FGD6: variants seen among roughly 807,000 people sequenced by gnomAD.
FGD6 encodes FYVE, RhoGEF and PH domain-containing protein 6.
FGD6 carries 90 observed loss-of-function variants against 149.4 expected under a neutral mutation model. The ratio of observed to expected loss-of-function variants is 0.60; its 90% CI spans 0.51 to 0.72. The LOEUF is 0.72. Among genes scored for constraint, FGD6 ranks in the 30% least tolerant of loss-of-function variants. The pLI is 0.00. For synonymous variants in FGD6, 527 were observed against 584.0 expected, an observed-to-expected ratio of 0.90 and a Z score of 1.41; for missense variants, 1,437 against 1,684.8, an observed-to-expected ratio of 0.85 and a Z score of 2.57.
intron 2 of FGD6, among the ~76,000 whole-genome samples, chr12:95,202,813 T>A (rs1019314651): frequency 6.6e-6 from 1 of 152,238 alleles, no homozygotes; most frequent in Non-Finnish European, 1.5e-5. Context: ...GCCAGAACTG[T>A]GTGGCTACAA....
At chr12:95,096,159 G>A (rs1878224894) in intron 14 of FGD6, among the ~76,000 whole-genome samples, 1 of 151,976 alleles carries the variant, frequency 6.6e-6, no homozygotes, top group Admixed American at 6.6e-5. Context: ...GGTATTATTT[G>A]CCCTAACTTT....
At chr12:95,165,797 C>T (rs1262456464) in intron 3 of FGD6, among the ~76,000 whole-genome samples, 1 of 151,806 alleles carries the variant, frequency 6.6e-6, no homozygotes, top group Non-Finnish European at 1.5e-5. Context: ...ACCACCATAC[C>T]TGGCTAATTT....
intron 3 of FGD6, among the ~76,000 whole-genome samples, chr12:95,163,412 A>G (rs1340114250): frequency 2.6e-5 from 4 of 152,132 alleles, no homozygotes; most frequent in Non-Finnish European, 5.9e-5. Flanking sequence ...AGGACAAGAT[A>G]ATTTTCTTAT....
chr12:95,128,701 C>T (rs7134554), intron 8 of FGD6, among the ~76,000 whole-genome samples: 48,664 of 152,100 alleles, frequency 0.32, 8,222 homozygotes, highest in African/African-American at 0.35. Flanking sequence ...TGGGCATGAC[C>T]TCAAAGAGGA....
chr12:95,155,036 A>G (rs1190757223), intron 3 of FGD6, among the ~76,000 whole-genome samples: 1 of 152,212 alleles, frequency 6.6e-6, no homozygotes, highest in African/African-American at 2.4e-5. Context: ...AGGTAAAAAA[A>G]TAGATGCAGG....
intron 3 of FGD6, among the ~76,000 whole-genome samples, chr12:95,164,317 C>T (rs1469932820): frequency 7.3e-5 from 11 of 151,228 alleles, no homozygotes; most frequent in African/African-American, 2.2e-4. Flanking sequence ...TCTCGGCTCA[C>T]GGCAAGCTCC....
In FGD6 at chr12:95,211,000, C is replaced by T; in HGVS notation, c.284G>A (p.Cys95Tyr). 6.2e-7 allele frequency: 1 copy of T among 1,614,192 alleles called. No individual in the cohort carries two copies. The highest frequency in any genetic ancestry group is 8.5e-7 in the Non-Finnish European group (1 of 1,180,048). Residue 95 changes from cysteine (C) to tyrosine (Y), a missense_variant, in exon 2 of 21, where the codon TGT (cysteine) becomes TAT (tyrosine). Physicochemically the swap from Cys to Tyr is radical, Grantham distance 194 (BLOSUM62 -2). Coordinates refer to ENST00000343958, the MANE Select transcript of FGD6 (RefSeq NM_018351.4). ...ATTGCTCTGATTGCCTTCATATTTA[C>T]AATTAAAGTTGTCAGTGCTTTCAGC... The part of the protein sequence containing the change: ...ELAESTDNFN[C>Y]KYEGNQSNDY...
At chr12:95,154,920 G>A (rs1880423024) in intron 3 of FGD6, among the ~76,000 whole-genome samples, 1 of 141,930 alleles carries the variant, frequency 7.0e-6, no homozygotes, top group Admixed American at 7.6e-5. Context: ...GACTATGTTA[G>A]TTCTTCATTT....
intron 7 of FGD6, 61 bp from the exon 8 acceptor site, chr12:95,134,887 C>A: frequency 7.1e-7 from 1 of 1,409,050 alleles, no homozygotes; most frequent in Admixed American, 2.2e-5. Flanking sequence ...GACCCAGATT[C>A]AAGTGCTCAG....
Position 95,188,338 on chromosome 12 carries a change from G to T in FGD6, c.2442-15594C>A, listed in dbSNP as rs114730810. 6.2e-3 allele frequency among the ~76,000 whole-genome samples: 940 copies of T among 152,202 alleles called. 16 individuals are homozygous for T. Among genetic ancestry groups the T allele is most frequent in the African/African-American group, 0.021 (890 of 41,522 alleles). ...GAAGAAACCAGAAAACAGTAAGTAA[G>T]GCAAGGTAAAGGAGAGAAATAAGCA... On this transcript the variant is annotated intron_variant, in intron 2 of 20. Transcript: ENST00000343958.
intron 3 of FGD6, among the ~76,000 whole-genome samples, chr12:95,167,761 G>T (rs954782497): frequency 2.0e-5 from 3 of 151,942 alleles, no homozygotes; most frequent in Admixed American, 6.6e-5. Context: ...TTTTAGTAGA[G>T]ATGGGATTTC....
At chr12:95,165,941 C>T (rs182298839) in intron 3 of FGD6, among the ~76,000 whole-genome samples, 1 of 151,360 alleles carries the variant, frequency 6.6e-6, no homozygotes, top group Non-Finnish European at 1.5e-5. Flanking sequence ...GCCACCATGC[C>T]TGGCTTGTTT....
chr12:95,207,397 A>G (rs2056698070), intron 2 of FGD6, among the ~76,000 whole-genome samples: 1 of 152,216 alleles, frequency 6.6e-6, no homozygotes, highest in African/African-American at 2.4e-5. Flanking sequence ...ACGGACTAAT[A>G]CACCCCACTA....
At chr12:95,180,187 G>A (rs927533808) in intron 2 of FGD6, among the ~76,000 whole-genome samples, 5 of 151,946 alleles carry the variant, frequency 3.3e-5, no homozygotes, top group African/African-American at 1.2e-4. Flanking sequence ...TCCTATTTGT[G>A]TAGAGAAGCA....
intron 3 of FGD6, among the ~76,000 whole-genome samples, chr12:95,158,621 T>C (rs61937919): frequency 0.092 from 13,961 of 152,146 alleles, 846 homozygotes; most frequent in African/African-American, 0.17. Flanking sequence ...AACTGTTATT[T>C]TGAAAACATA....
At chr12:95,170,564 C>A (rs1471252567) in intron 3 of FGD6, among the ~76,000 whole-genome samples, 3 of 152,162 alleles carry the variant, frequency 2.0e-5, no homozygotes, top group African/African-American at 7.2e-5. Context: ...ATCACTTGAA[C>A]CCGGGAGGCA....
At chr12:95,110,067 C>T (rs2136242594) in intron 9 of FGD6, among the ~76,000 whole-genome samples, 1 of 152,012 alleles carries the variant, frequency 6.6e-6, no homozygotes, top group East Asian at 1.9e-4. Flanking sequence ...AGCTCCACCT[C>T]CCGGGTTCAC....
chr12:95,216,280 T>A (rs912648730), intron 1 of FGD6, among the ~76,000 whole-genome samples: 2 of 152,218 alleles, frequency 1.3e-5, no homozygotes, highest in African/African-American at 2.4e-5. Flanking sequence ...AAATTTAATC[T>A]GATACTTAAG....
intron 2 of FGD6, among the ~76,000 whole-genome samples, chr12:95,188,098 C>T (rs1374572098): frequency 6.6e-6 from 1 of 152,152 alleles, no homozygotes; most frequent in African/African-American, 2.4e-5. Flanking sequence ...GCATACCTCA[C>T]GTATGCAATA....
Sources: gnomAD v4.1 joint callset for allele counts (sites outside exome capture counted in the v4.1 genomes callset) on GRCh38, gnomAD v4.1.1 for gene constraint, MANE v1.5 for transcripts, NCBI Gene and HGNC (gene_info 2026-07-23, HGNC 2026-07-21) for gene names.